The following KCND2 variants were observed in gnomAD, a reference collection of about 807,000 sequenced individuals.
The protein encoded by KCND2 is A-type voltage-gated potassium channel KCND2.
A neutral mutation model predicts 54.4 loss-of-function variants in KCND2; 16 were observed. The ratio of observed to expected loss-of-function variants is 0.29; its 90% CI spans 0.20 to 0.45. KCND2 has a LOEUF of 0.45. KCND2 is among the 20% of genes least tolerant of loss of function. The pLI, the probability that KCND2 is intolerant of heterozygous loss-of-function variation, is 1.00. For missense variants in KCND2, 486 were observed against 824.2 expected (o/e 0.59, Z 5.02); for synonymous variants, 317 against 310.7 (o/e 1.02, Z -0.21).
intron 1 of KCND2, among the ~76,000 whole-genome samples, chr7:120,574,758 TCTGCCTACTCCC>T (rs1349526639): frequency 6.6e-6 from 1 of 152,176 alleles, no homozygotes; most frequent in Non-Finnish European, 1.5e-5. Flanking sequence ...TTTCTCTCTC[TCTGCCTACTCCC>T]CTTTCTCTTT....
intron 1 of KCND2, among the ~76,000 whole-genome samples, chr7:120,472,562 TACACACAC>T (rs10679656): frequency 1.3e-5 from 2 of 149,528 alleles, no homozygotes; most frequent in Non-Finnish European, 3.0e-5. Flanking sequence ...AGACTTTAAA[TACACACAC>T]ACACACACAC....
chr7:120,441,982 C>CT, intron 1 of KCND2, among the ~76,000 whole-genome samples: 1 of 152,060 alleles, frequency 6.6e-6, no homozygotes, highest in Non-Finnish European at 1.5e-5. Flanking sequence ...GGGAGGCTCA[C>CT]TTGACCTGAG....
At chr7:120,653,985 AC>A (rs1791770780) in intron 1 of KCND2, among the ~76,000 whole-genome samples, 1 of 152,198 alleles carries the variant, frequency 6.6e-6, no homozygotes, top group Non-Finnish European at 1.5e-5. Context: ...TTTTCTCTCT[AC>A]CCAGCTTTAA....
intron 1 of KCND2, among the ~76,000 whole-genome samples, chr7:120,486,348 G>T (rs1005236972): frequency 6.6e-6 from 1 of 152,028 alleles, no homozygotes; most frequent in African/African-American, 2.4e-5. Context: ...GAGCCTTCAG[G>T]GGGTGGGAGC....
intron 1 of KCND2, among the ~76,000 whole-genome samples, chr7:120,488,040 A>C (rs562988185): frequency 1.4e-3 from 207 of 152,116 alleles, no homozygotes; most frequent in African/African-American, 3.0e-3. Flanking sequence ...CAAAACAAAA[A>C]AAAAACTGGT....
chr7:120,553,744 T>C (rs745774092), intron 1 of KCND2, among the ~76,000 whole-genome samples: 1 of 152,210 alleles, frequency 6.6e-6, no homozygotes, highest in Non-Finnish European at 1.5e-5. Context: ...ATGATTCTCA[T>C]AATACTTATT....
chr7:120,351,590 G>A (rs1265927926), intron 1 of KCND2, among the ~76,000 whole-genome samples: 1 of 151,822 alleles, frequency 6.6e-6, no homozygotes, highest in Non-Finnish European at 1.5e-5. Context: ...AGATATGCAG[G>A]TTCAGAGTTG....
At chr7:120,461,821 C>G (rs550357195) in intron 1 of KCND2, among the ~76,000 whole-genome samples, 3 of 152,166 alleles carry the variant, frequency 2.0e-5, no homozygotes, top group Non-Finnish European at 4.4e-5. Context: ...TCTTCCCACT[C>G]CTGTACTTGT....
At chr7:120,428,973 G>A (rs1022823005) in intron 1 of KCND2, among the ~76,000 whole-genome samples, 3 of 152,150 alleles carry the variant, frequency 2.0e-5, no homozygotes, top group Non-Finnish European at 4.4e-5. Context: ...GAATTGAGAT[G>A]TTGCCGGGTC....
chr7:120,627,045 G>T (rs1366493198), intron 1 of KCND2, among the ~76,000 whole-genome samples: 2 of 152,200 alleles, frequency 1.3e-5, no homozygotes, highest in East Asian at 3.9e-4. Flanking sequence ...GCACAGTATG[G>T]TGTCCATCAT....
At chr7:120,552,749 C>T (rs562580273) in intron 1 of KCND2, among the ~76,000 whole-genome samples, 3 of 152,294 alleles carry the variant, frequency 2.0e-5, no homozygotes, top group South Asian at 2.1e-4. Context: ...GTCCTGCATA[C>T]ACCTGCAATT....
chr7:120,274,365 A>G lies in KCND2; in HGVS notation c.-268A>G. On this transcript the variant is annotated 5_prime_UTR_variant, in exon 1 of 6. Coordinates refer to ENST00000331113, the MANE Select transcript of KCND2 (RefSeq NM_012281.3). ...CCAGAGGGTGGCCTAGCCCACCTGC[A>G]GGAAGAGATTTGGCTGGGTTCTGTT... 1 of 566,622 alleles carries G rather than the reference A, an allele frequency of 1.8e-6. No individual in the cohort carries two copies. Among genetic ancestry groups the G allele is most frequent in the Non-Finnish European group, 3.2e-6 (1 of 316,450 alleles). The allele number at this position is 566,622 out of a possible 1,614,324, so 35.1% of individuals were successfully genotyped here. A position where few individuals can be genotyped will look rare whatever the true frequency, so the allele number is the denominator to read the frequency against.
chr7:120,407,643 T>C (rs1801381628), intron 1 of KCND2, among the ~76,000 whole-genome samples: 2 of 151,926 alleles, frequency 1.3e-5, no homozygotes, highest in African/African-American at 4.8e-5. Context: ...ATATAAAGCA[T>C]GTTAACAGTC....
intron 1 of KCND2, among the ~76,000 whole-genome samples, chr7:120,287,176 G>T (rs2116267849): frequency 6.6e-6 from 1 of 152,020 alleles, no homozygotes; most frequent in South Asian, 2.1e-4. Context: ...TTTTTGATTG[G>T]GCTATACCAT....
At chr7:120,715,873 CTTGT>C (rs1792596178) in intron 1 of KCND2, among the ~76,000 whole-genome samples, 1 of 152,064 alleles carries the variant, frequency 6.6e-6, no homozygotes, top group African/African-American at 2.4e-5. Flanking sequence ...CAGCTGTAGA[CTTGT>C]TTGACTTGTT....
intron 2 of KCND2, chr7:120,740,930 T>G: frequency 2.2e-6 from 1 of 455,102 alleles, no homozygotes; most frequent in East Asian, 7.0e-5. Flanking sequence ...TTTGTTTGTT[T>G]GTTTAGAGAG....
chr7:120,498,000 A>T (rs530029226), intron 1 of KCND2, among the ~76,000 whole-genome samples: 1 of 152,334 alleles, frequency 6.6e-6, no homozygotes, highest in East Asian at 1.9e-4. Context: ...AGAGGAAGCA[A>T]CAAGATCTTA....
At position 120,635,854 on chromosome 7, in the gene KCND2, G is replaced by A. The variant is rs564430582; in HGVS notation, c.1116-97049G>A. Among the ~76,000 whole-genome samples the A allele has an allele frequency of 2.0e-5, 3 of 152,292 alleles. No individual in the cohort carries two copies. The South Asian group carries it at 6.2e-4, about 32-fold the overall frequency. On this transcript the variant is annotated intron_variant, in intron 1 of 5. Coordinates refer to ENST00000331113, the MANE Select transcript of KCND2 (RefSeq NM_012281.3). The stretch of plus-strand genomic sequence containing the variant: ...AGTAATGAAATTGAATTTGGAGGAT[G>A]AGTCTTAAAGTCTCCAAGAACAATT...
chr7:120,483,025 T>C (rs1404734158), intron 1 of KCND2, among the ~76,000 whole-genome samples: 1 of 152,092 alleles, frequency 6.6e-6, no homozygotes, highest in Non-Finnish European at 1.5e-5. Context: ...TTGAGAAACT[T>C]CACAAAATTT....
Sources: gnomAD v4.1 joint callset for allele counts (sites outside exome capture counted in the v4.1 genomes callset) on GRCh38, gnomAD v4.1.1 for gene constraint, MANE v1.5 for transcripts, NCBI Gene and HGNC (gene_info 2026-07-23, HGNC 2026-07-21) for gene names.